Variants in MYO16 observed in about 807,000 individuals in gnomAD.
The protein encoded by MYO16 is unconventional myosin-XVI.
In MYO16, 94 loss-of-function variants were observed where a neutral mutation model predicts 205.3. The observed-to-expected ratio is 0.46, with a 90% CI of 0.39 to 0.54. MYO16 has a LOEUF of 0.54. Ranked by LOEUF, MYO16 falls within the 20% of genes least tolerant of loss-of-function variation. The pLI, the probability that MYO16 is intolerant of heterozygous loss-of-function variation, is 0.00. For synonymous variants in MYO16, 988 were observed against 954.0 expected (o/e 1.04, Z -0.66); for missense variants, 2,315 against 2,387.5 (o/e 0.97, Z 0.63).
chr13:109,181,188 G>T (rs188730877), intron 34 of MYO16, among the ~76,000 whole-genome samples: 2 of 152,394 alleles, frequency 1.3e-5, no homozygotes, highest in Admixed American at 1.3e-4. Flanking sequence ...AAGAGGCCTT[G>T]TTTTCAAATG....
At chr13:109,139,956 GGGGT>G (rs898679458) in intron 31 of MYO16, among the ~76,000 whole-genome samples, 3 of 151,980 alleles carry the variant, frequency 2.0e-5, no homozygotes, top group African/African-American at 4.8e-5. Context: ...CTAGGCAAGG[GGGGT>G]GGGTGGGTAG....
At chr13:108,581,778 G>A in the MYO16 span, among the ~76,000 whole-genome samples, 1 of 151,468 alleles carries the variant, frequency 6.6e-6, no homozygotes, top group Non-Finnish European at 1.5e-5. Context: ...CCAGCTACTC[G>A]GGAGACTGAG....
chr13:108,579,516 C>A, the MYO16 span, among the ~76,000 whole-genome samples: 4 of 149,912 alleles, frequency 2.7e-5, no homozygotes, highest in Non-Finnish European at 4.4e-5. Flanking sequence ...TCTCTGCTCA[C>A]TGCAACCTCT....
At chr13:108,940,881 A>G (rs998398758) in intron 16 of MYO16, among the ~76,000 whole-genome samples, 3 of 152,256 alleles carry the variant, frequency 2.0e-5, no homozygotes, top group Non-Finnish European at 4.4e-5. Context: ...GTATGTATGC[A>G]TAATTAAATT....
chr13:108,770,688 C>G (rs1885932396), intron 4 of MYO16, among the ~76,000 whole-genome samples: 1 of 152,158 alleles, frequency 6.6e-6, no homozygotes, highest in Admixed American at 6.5e-5. Flanking sequence ...CAGTTATTTC[C>G]TAAGCACCCA....
intron 22 of MYO16, among the ~76,000 whole-genome samples, chr13:109,015,950 G>A (rs1395244195): frequency 8.6e-5 from 13 of 151,932 alleles, no homozygotes; most frequent in Admixed American, 8.5e-4. Flanking sequence ...GGTTTTTTGT[G>A]TTTGTATCTC....
rs556381865 is a variant in MYO16 at position 108,789,851 on chromosome 13, G to T, written c.617-3665G>T. Among the ~76,000 whole-genome samples, 115 of 152,248 alleles carry T rather than the reference G, an allele frequency of 7.6e-4. 1 individual carries two copies. The Middle Eastern group carries it at 0.01, about 14-fold the overall frequency. ...TTTGAGGGCAAAAATGATGTTTTAT[G>T]TATGACCAAATGATGATACAATGGC... On this transcript the variant is annotated intron_variant, in intron 5 of 34. Transcript: ENST00000457511.
chr13:108,824,014 C>A (rs1303675145), intron 9 of MYO16, among the ~76,000 whole-genome samples: 1 of 151,966 alleles, frequency 6.6e-6, no homozygotes, highest in Non-Finnish European at 1.5e-5. Flanking sequence ...AAACAGATAG[C>A]AAACATTGTC....
upstream of MYO16, among the ~76,000 whole-genome samples, chr13:108,591,376 A>T (rs1878394530): frequency 6.6e-6 from 1 of 152,230 alleles, no homozygotes. Context: ...AGGAGCATTC[A>T]GTGCTTCTTT....
At chr13:108,857,301 G>T (rs2567246) in intron 11 of MYO16, among the ~76,000 whole-genome samples, 21,514 of 152,150 alleles carry the variant, frequency 0.14, 1,681 homozygotes, top group East Asian at 0.28. Context: ...TGGTTCCTGG[G>T]CTGCTCAAAA....
chr13:108,499,961 G>C, the MYO16 span, among the ~76,000 whole-genome samples: 2 of 148,462 alleles, frequency 1.3e-5, no homozygotes, highest in South Asian at 2.1e-4. Flanking sequence ...TCCCTGGCAC[G>C]GCCCCTCTCT....
At chr13:108,557,189 G>T in the MYO16 span, among the ~76,000 whole-genome samples, 3 of 152,100 alleles carry the variant, frequency 2.0e-5, no homozygotes, top group East Asian at 1.9e-4. Flanking sequence ...TTTTGATAGG[G>T]ATTGCATTGA....
intron 8 of MYO16, 43 bp downstream of exon 8, chr13:108,820,455 T>C: frequency 2.7e-6 from 4 of 1,489,746 alleles, no homozygotes; most frequent in Non-Finnish European, 3.7e-6. Flanking sequence ...GGTACTGTTT[T>C]CTTCCTTTCA....
intron 1 of MYO16, among the ~76,000 whole-genome samples, chr13:108,638,376 G>A (rs1304864072): frequency 6.6e-6 from 1 of 152,052 alleles, no homozygotes; most frequent in African/African-American, 2.4e-5. Context: ...AATAGCCCTG[G>A]GCTCCACTTA....
chr13:108,621,604 C>T (rs1456306652), intron 1 of MYO16, among the ~76,000 whole-genome samples: 1 of 152,106 alleles, frequency 6.6e-6, no homozygotes, highest in Non-Finnish European at 1.5e-5. Context: ...GTCGTCTACT[C>T]CTGACATCCA....
intron 5 of MYO16, among the ~76,000 whole-genome samples, chr13:108,788,284 G>A (rs1886516378): frequency 6.6e-6 from 1 of 152,144 alleles, no homozygotes. Context: ...TAAACTCGGG[G>A]ACAGCAATTA....
the MYO16 span, among the ~76,000 whole-genome samples, chr13:108,524,249 G>C: frequency 6.6e-6 from 1 of 151,600 alleles, no homozygotes. Flanking sequence ...GCAGTGAGCC[G>C]AGATTGCGCC....
chr13:109,086,852 T>C (rs898891612), intron 27 of MYO16, among the ~76,000 whole-genome samples: 3 of 152,216 alleles, frequency 2.0e-5, no homozygotes, highest in African/African-American at 7.2e-5. Flanking sequence ...AGGAAGTCCA[T>C]TATTTGTATT....
chr13:108,777,837 C>G (rs996588284), intron 4 of MYO16, among the ~76,000 whole-genome samples: 2 of 152,208 alleles, frequency 1.3e-5, no homozygotes, highest in Non-Finnish European at 2.9e-5. Flanking sequence ...TTTTTGCATA[C>G]ATACCTTCAT....
Sources: allele counts gnomAD v4.1 joint callset (sites outside exome capture counted in the v4.1 genomes callset), GRCh38; gene constraint gnomAD v4.1.1; transcripts MANE v1.5; gene names NCBI Gene and HGNC (gene_info 2026-07-23, HGNC 2026-07-21).